The following KIF6 variants were observed in gnomAD, a reference collection of about 807,000 sequenced individuals.
KIF6 encodes kinesin family member 6, also known as kinesin-like protein KIF6.
KIF6 carries 106 observed loss-of-function variants against 112.7 expected under a neutral mutation model. The ratio of observed to expected loss-of-function variants is 0.94; its 90% CI spans 0.80 to 1.11. KIF6 has a LOEUF of 1.11. Among genes scored for constraint, KIF6 ranks in the 50% least tolerant of loss-of-function variants. The pLI is 0.00. For missense variants in KIF6, 929 were observed against 964.0 expected (o/e 0.96, Z 0.48); for synonymous variants, 339 against 339.9 (o/e 1.00, Z 0.03).
chr6:39,443,519 C>T (rs1234723397), intron 13 of KIF6, among the ~76,000 whole-genome samples: 1 of 152,140 alleles, frequency 6.6e-6, no homozygotes, highest in Non-Finnish European at 1.5e-5. Flanking sequence ...TCTTGGCTCA[C>T]TGCAACCTTT....
intron 10 of KIF6, among the ~76,000 whole-genome samples, chr6:39,551,881 C>G (rs909460090): frequency 2.0e-5 from 3 of 152,130 alleles, no homozygotes; most frequent in Non-Finnish European, 4.4e-5. Context: ...ATTAGCTTTA[C>G]GAAATCAGAT....
At chr6:39,515,657 A>G (rs1157972959) in intron 13 of KIF6, among the ~76,000 whole-genome samples, 1 of 152,202 alleles carries the variant, frequency 6.6e-6, no homozygotes, top group African/African-American at 2.4e-5. Context: ...ACATGTCATC[A>G]CAAAGCCACA....
rs537557181 is a variant in KIF6 at position 39,550,879 on chromosome 6, C to T, written c.1182-5191G>A. Among the ~76,000 whole-genome samples the T allele has an allele frequency of 2.7e-3, 404 of 152,124 alleles. 2 individuals carry two copies. Among genetic ancestry groups the T allele is most frequent in the Non-Finnish European group, 5.1e-3 (347 of 67,998 alleles). ...AGCTACATATTACCTGAGCAAAGAT[C>T]GGGAAAAGAATGGGAGATAGTGACA... On this transcript the variant is annotated intron_variant, in intron 10 of 22. Transcript: ENST00000287152.
intron 5 of KIF6, among the ~76,000 whole-genome samples, chr6:39,614,066 C>A (rs1783364638): frequency 6.6e-6 from 1 of 152,190 alleles, no homozygotes; most frequent in Non-Finnish European, 1.5e-5. Context: ...TGAATCCTAA[C>A]CCTGTTTCCA....
At chr6:39,557,213 A>G (rs114068053) in intron 10 of KIF6, among the ~76,000 whole-genome samples, 3,183 of 152,284 alleles carry the variant, frequency 0.021, 54 homozygotes, top group Middle Eastern at 0.062. Flanking sequence ...TTGATAAAAA[A>G]TAATGTATTT....
chr6:39,435,089 T>C (rs907173045), intron 13 of KIF6, among the ~76,000 whole-genome samples: 1 of 152,150 alleles, frequency 6.6e-6, no homozygotes, highest in African/African-American at 2.4e-5. Context: ...TGCCCAGCTT[T>C]TAGAGGCAGT....
chr6:39,588,984 T>C (rs1466001841), intron 7 of KIF6, among the ~76,000 whole-genome samples: 1 of 152,192 alleles, frequency 6.6e-6, no homozygotes, highest in Non-Finnish European at 1.5e-5. Flanking sequence ...ATCTAAGTTA[T>C]GCCAAGTTGC....
chr6:39,655,471 T>A (rs1785726825), intron 3 of KIF6, among the ~76,000 whole-genome samples: 1 of 152,116 alleles, frequency 6.6e-6, no homozygotes, highest in Non-Finnish European at 1.5e-5. Context: ...TAAGTCAAAT[T>A]TTTTTCTTCA....
chr6:39,564,174 G>A (rs544455371), intron 10 of KIF6, among the ~76,000 whole-genome samples: 2 of 152,318 alleles, frequency 1.3e-5, no homozygotes, highest in Non-Finnish European at 2.9e-5. Context: ...TCTAATAGCA[G>A]GAGGTGGGCT....
chr6:39,579,316 TC>T (rs1781157416), intron 9 of KIF6, among the ~76,000 whole-genome samples: 1 of 152,202 alleles, frequency 6.6e-6, no homozygotes, highest in East Asian at 1.9e-4. Flanking sequence ...ATTTGCATTT[TC>T]ATGATTATTT....
chr6:39,658,819 A>G (rs554742383), intron 3 of KIF6, among the ~76,000 whole-genome samples: 2 of 152,350 alleles, frequency 1.3e-5, no homozygotes, highest in African/African-American at 2.4e-5. Flanking sequence ...GTTAGCCAAC[A>G]TGGTGTGTGG....
At chr6:39,371,550 G>A (rs1438799327) in intron 16 of KIF6, among the ~76,000 whole-genome samples, 1 of 152,220 alleles carries the variant, frequency 6.6e-6, no homozygotes, top group East Asian at 1.9e-4. Context: ...AGCCCTGACA[G>A]TCTTTAAATT....
intron 13 of KIF6, among the ~76,000 whole-genome samples, chr6:39,482,775 T>C (rs1013377211): frequency 6.6e-6 from 1 of 152,202 alleles, no homozygotes. Flanking sequence ...TGAAGCCCAG[T>C]CCAGCCCACT....
intron 15 of KIF6, among the ~76,000 whole-genome samples, chr6:39,400,724 C>G (rs1411499395): frequency 1.3e-5 from 2 of 152,190 alleles, no homozygotes; most frequent in East Asian, 3.9e-4. Context: ...TGGCCTGTCA[C>G]TGGAAACAGA....
chr6:39,340,159 C>A (rs1763246047), intron 22 of KIF6, among the ~76,000 whole-genome samples: 1 of 152,120 alleles, frequency 6.6e-6, no homozygotes, highest in Non-Finnish European at 1.5e-5. Context: ...GCAGAGGGAC[C>A]CCGTGTCAAC....
intron 13 of KIF6, among the ~76,000 whole-genome samples, chr6:39,487,156 A>G (rs746001464): frequency 6.6e-5 from 10 of 152,216 alleles, no homozygotes; most frequent in Non-Finnish European, 1.0e-4. Context: ...AATTAGATTG[A>G]TTCTTTTTAC....
rs1762819359 is a variant in KIF6 at position 39,333,739 on chromosome 6, T to TCCC, written c.*2792_*2793insGGG. The stretch of plus-strand genomic sequence containing the variant: ...TTAGCAAGATCTGGGCAAGCTACAT[T>TCCC]TTAACTTCCCTCCTCCAACCTCCGT... On this transcript the variant is annotated 3_prime_UTR_variant, in exon 23 of 23. Coordinates refer to ENST00000287152, the MANE Select transcript of KIF6 (RefSeq NM_145027.6). The TCCC allele has an allele frequency of 6.6e-6, 1 of 152,218 alleles. No homozygotes were observed. The highest frequency in any genetic ancestry group is 2.1e-4 in the South Asian group (1 of 4,828). 9.4% of individuals were successfully genotyped at this position (152,218 alleles called of 1,614,324 possible).
intron 16 of KIF6, among the ~76,000 whole-genome samples, chr6:39,380,763 C>T (rs4714249): frequency 0.016 from 2,443 of 152,098 alleles, 69 homozygotes; most frequent in African/African-American, 0.055. Flanking sequence ...AGAGAGGCAC[C>T]GCAGCACCTC....
At chr6:39,630,387 A>G (rs982894896) in intron 5 of KIF6, among the ~76,000 whole-genome samples, 15 of 152,208 alleles carry the variant, frequency 9.9e-5, no homozygotes, top group Admixed American at 7.2e-4. Context: ...TTTTCCTCAT[A>G]TAGATCTTGT....
Sources: gnomAD v4.1 joint callset for allele counts (sites outside exome capture counted in the v4.1 genomes callset) on GRCh38, gnomAD v4.1.1 for gene constraint, MANE v1.5 for transcripts, NCBI Gene and HGNC (gene_info 2026-07-23, HGNC 2026-07-21) for gene names.